RBM48: variants seen among roughly 807,000 people sequenced by gnomAD.
RBM48 encodes the protein RNA binding motif protein 48.
In RBM48, 32 loss-of-function variants were observed where a neutral mutation model predicts 34.8. That is an observed-to-expected ratio of 0.92 (90% CI 0.69 to 1.23). The LOEUF (loss-of-function observed/expected upper bound fraction) is 1.23. RBM48 is among the 50% of genes most tolerant of loss of function. The pLI is 0.00. For missense variants in RBM48, 441 were observed against 447.2 expected (o/e 0.99, Z 0.12); for synonymous variants, 151 against 156.2 (o/e 0.97, Z 0.25).
rs1275914039 is a variant in RBM48, at chr7:92,538,634, G to A, written c.*1697G>A. Among the ~76,000 whole-genome samples, 1 of 152,210 alleles carries A rather than the reference G, an allele frequency of 6.6e-6. No individual in the cohort carries two copies. Among genetic ancestry groups the A allele is most frequent in the Non-Finnish European group, 1.5e-5 (1 of 68,034 alleles). ...TATTAGAGACCTAAGCATAGAATTGGAAGGAGCAAATTGCTGTCTGGTTCA... is the reference window on the plus strand; with the variant it reads ...TATTAGAGACCTAAGCATAGAATTGAAAGGAGCAAATTGCTGTCTGGTTCA... On this transcript the variant is annotated 3_prime_UTR_variant, in exon 5 of 5. Transcript: ENST00000265732.
rs548208630 is a variant in RBM48 at position 92,537,512 on chromosome 7, G to T, written c.*575G>T. 1 of 152,156 alleles carries T rather than the reference G, an allele frequency of 6.6e-6. No individual in the cohort carries two copies. The highest frequency in any genetic ancestry group is 6.6e-5 in the Admixed American group (1 of 15,262). The allele number at this position is 152,156 out of a possible 1,614,324, so 9.4% of individuals were successfully genotyped here. A position where few individuals can be genotyped will look rare whatever the true frequency, so the allele number is the denominator to read the frequency against. On this transcript the variant is annotated 3_prime_UTR_variant, in exon 5 of 5. Transcript: ENST00000265732. ...ATAGAAATAAAGATAGGCAGCCAGC[G>T]TCTGTTTCCAATTATAATACAAGTA... is the stretch of plus-strand genomic sequence containing the variant.
Position 92,539,029 on chromosome 7 carries a change from G to C in RBM48, c.*2092G>C, listed in dbSNP as rs1214059538. On this transcript the variant is annotated 3_prime_UTR_variant, in exon 5 of 5. Transcript: ENST00000265732. ...AAAACAAAAAGATTCAAATTAAGTTGGTTTGGGTGGGGCCTGAGATTCTGC... is the reference window on the plus strand; with the variant it reads ...AAAACAAAAAGATTCAAATTAAGTTCGTTTGGGTGGGGCCTGAGATTCTGC... Among the ~76,000 whole-genome samples the C allele has an allele frequency of 1.3e-5, 2 of 152,164 alleles. No individual in the cohort carries two copies. Among genetic ancestry groups the C allele is most frequent in the Non-Finnish European group, 2.9e-5 (2 of 68,024 alleles).
chr7:92,535,828 A>G, intron 4 of RBM48: 1 of 982,532 alleles, frequency 1.0e-6, no homozygotes, highest in Non-Finnish European at 1.2e-6. Flanking sequence ...CACAGTTTTG[A>G]AGCCTTCTTT....
rs888846428 is a variant in RBM48, at chr7:92,535,510, GT to G, written c.1017+551del. ...TCAGATTGTGCTGCCTAGGTAGTCT[GT>G]TTTTTTTTTTAATGTCATTTACATA... On this transcript the variant is annotated intron_variant, in intron 4 of 4. Coordinates refer to ENST00000265732, the MANE Select transcript of RBM48 (RefSeq NM_032120.4). The G allele has an allele frequency of 9.6e-3, 7,237 of 756,136 alleles. 18 individuals are homozygous for G. Among genetic ancestry groups the G allele is most frequent in the Non-Finnish European group, 0.01 (6,280 of 624,926 alleles). The allele number at this position is 756,136 out of a possible 1,614,324, so 46.8% of individuals were successfully genotyped here. A position where few individuals can be genotyped will look rare whatever the true frequency, so the allele number is the denominator to read the frequency against.
At chr7:92,532,689 G>T in intron 3 of RBM48, 140 bp downstream of exon 3, 1 of 626,896 alleles carries the variant, frequency 1.6e-6, no homozygotes, top group South Asian at 2.0e-5. Flanking sequence ...AGGGTTCTCT[G>T]CAGCACACTA....
rs752232044 is a variant in RBM48, at chr7:92,532,523, A to G, written c.422A>G (p.Tyr141Cys). ...AAAAAACTACAAATGCGGAAGGCAT[A>G]TGTAGTAAAAACTACTGAAAATAAA... ...TRKKLQMRKA[Y>C]VVKTTENKDH... The change falls in exon 3 of 5, where the codon TAT (tyrosine) becomes TGT (cysteine). Residue 141 changes from tyrosine to cysteine, a missense_variant. Tyr to Cys is a radical substitution (Grantham distance 194). Transcript: ENST00000265732. 1 of 1,611,756 alleles carries G rather than the reference A, an allele frequency of 6.2e-7. No homozygotes were observed. Among genetic ancestry groups the G allele is most frequent in the African/African-American group, 1.3e-5 (1 of 74,942 alleles).
chr7:92,530,895 C>G lies in RBM48; in HGVS notation c.302+1229C>G, dbSNP rs540034419. On this transcript the variant is annotated intron_variant, in intron 2 of 4. Transcript: ENST00000265732. ...AGGAGTTCGAGACCAGACTGGCCAA[C>G]ATGGCCAGTATTTTGTATTTTGTAA... 1.1e-4 allele frequency among the ~76,000 whole-genome samples: 16 copies of G among 151,998 alleles called. No individual in the cohort carries two copies. In the East Asian group the frequency reaches 2.7e-3, roughly 26 times the overall value.
intron 4 of RBM48, 76 bp from the exon 5 acceptor site, chr7:92,536,775 T>A: frequency 6.7e-7 from 1 of 1,483,892 alleles, no homozygotes; most frequent in Non-Finnish European, 8.9e-7. Flanking sequence ...GGATGTAGTC[T>A]TACCTCTTCT....
intron 2 of RBM48, among the ~76,000 whole-genome samples, chr7:92,531,671 T>G (rs1250616120): frequency 1.3e-5 from 2 of 152,248 alleles, no homozygotes; most frequent in Non-Finnish European, 2.9e-5. Flanking sequence ...TGGTAGGCTC[T>G]GAAGTAAGAC....
chr7:92,532,766 G>A (rs1231028408), intron 3 of RBM48, among the ~76,000 whole-genome samples: 1 of 152,222 alleles, frequency 6.6e-6, no homozygotes, highest in African/African-American at 2.4e-5. Context: ...GTGAGAAGTG[G>A]CTGAATTTTA....
chr7:92,533,110 C>T (rs1427842061), intron 3 of RBM48, among the ~76,000 whole-genome samples: 1 of 152,136 alleles, frequency 6.6e-6, no homozygotes, highest in Non-Finnish European at 1.5e-5. Flanking sequence ...GCTAAATGCC[C>T]CCACATGCCT....
intron 4 of RBM48, 132 bp downstream of exon 4, chr7:92,535,102 C>T (rs2116328404): frequency 6.8e-7 from 1 of 1,470,224 alleles, no homozygotes; most frequent in South Asian, 1.4e-5. Context: ...TTCTACAGTT[C>T]TCTGTTGAAA....
At chr7:92,536,066 G>T in intron 4 of RBM48, 5 of 646,216 alleles carry the variant, frequency 7.7e-6, no homozygotes, top group Non-Finnish European at 9.6e-6. Context: ...GGAGGCGGAG[G>T]TTGCAGTGAG....
At chr7:92,531,396 G>C (rs1391555588) in intron 2 of RBM48, among the ~76,000 whole-genome samples, 1 of 152,162 alleles carries the variant, frequency 6.6e-6, no homozygotes, top group Non-Finnish European at 1.5e-5. Context: ...AGTATGCAGT[G>C]CCTTATCTAT....
At chr7:92,532,628 GT>G in intron 3 of RBM48, 79 bp downstream of exon 3, 1 of 1,037,610 alleles carries the variant, frequency 9.6e-7, no homozygotes, top group East Asian at 2.5e-5. Context: ...TCCCAGTCTA[GT>G]GGTAGGAGAG....
chr7:92,531,149 G>A (rs1562876275), intron 2 of RBM48, among the ~76,000 whole-genome samples: 1 of 152,104 alleles, frequency 6.6e-6, no homozygotes, highest in Non-Finnish European at 1.5e-5. Context: ...ATGATCTTGG[G>A]CAAGTTATTT....
At chr7:92,530,883 C>T (rs112504805) in intron 2 of RBM48, among the ~76,000 whole-genome samples, 9,164 of 151,726 alleles carry the variant, frequency 0.06, 597 homozygotes, top group East Asian at 0.3. Flanking sequence ...AGTTCGAGAC[C>T]AGACTGGCCA....
In RBM48 at chr7:92,536,997, T is replaced by C. The variant is rs929965066; in HGVS notation, c.*60T>C. 149 of 1,231,870 alleles carry C rather than the reference T, an allele frequency of 1.2e-4. No individual in the cohort carries two copies. The highest frequency in any genetic ancestry group is 1.6e-4 in the Non-Finnish European group (138 of 888,326). 76.3% of individuals were successfully genotyped at this position (1,231,870 alleles called of 1,614,324 possible). A position where few individuals can be genotyped will look rare whatever the true frequency, so the allele number is the denominator to read the frequency against. On this transcript the variant is annotated 3_prime_UTR_variant, in exon 5 of 5. Transcript: ENST00000265732. ...ACATTTATTATTTATTTTTAGCCTGTCATTTTAATTCTTCAAGAGATTTTA... is the reference window on the plus strand; with the variant it reads ...ACATTTATTATTTATTTTTAGCCTGCCATTTTAATTCTTCAAGAGATTTTA...
intron 2 of RBM48, among the ~76,000 whole-genome samples, chr7:92,531,368 C>T (rs1289619640): frequency 2.0e-5 from 3 of 152,196 alleles, no homozygotes; most frequent in African/African-American, 7.2e-5. Context: ...ACATAATCCT[C>T]TGCTCCAAAA....
Sources: gnomAD v4.1 joint callset for allele counts (sites outside exome capture counted in the v4.1 genomes callset) on GRCh38, gnomAD v4.1.1 for gene constraint, MANE v1.5 for transcripts, NCBI Gene and HGNC (gene_info 2026-07-23, HGNC 2026-07-21) for gene names.